The following SMPD3 variants were observed in gnomAD, a reference collection of about 807,000 sequenced individuals.
SMPD3 encodes nSMase-2.
A neutral mutation model predicts 55.7 loss-of-function variants in SMPD3; 21 were observed. That is an observed-to-expected ratio of 0.38 (90% CI 0.27 to 0.54). The LOEUF (loss-of-function observed/expected upper bound fraction) is 0.54. SMPD3 is among the 20% of genes least tolerant of loss of function. The pLI is 0.80. For missense variants in SMPD3, 842 were observed against 899.6 expected (o/e 0.94, Z 0.82); for synonymous variants, 457 against 404.3 (o/e 1.13, Z -1.56).
At chr16:68,365,210 T>A in intron 3 of SMPD3, 118 bp from the exon 4 acceptor site, 1 of 1,030,636 alleles carries the variant, frequency 9.7e-7, no homozygotes, top group Admixed American at 2.0e-5. Flanking sequence ...GGCTCCTGGC[T>A]GGATTCTGGG....
At chr16:68,390,522 G>A (rs930502690) in intron 1 of SMPD3, among the ~76,000 whole-genome samples, 3 of 152,180 alleles carry the variant, frequency 2.0e-5, no homozygotes, top group African/African-American at 7.2e-5. Context: ...CTAGCTGAGT[G>A]TGGTGGTGCA....
At chr16:68,412,033 A>G (rs910457178) in intron 1 of SMPD3, among the ~76,000 whole-genome samples, 3 of 152,100 alleles carry the variant, frequency 2.0e-5, no homozygotes, top group Non-Finnish European at 2.9e-5. Flanking sequence ...GGGAAGGAAG[A>G]AGGAGGCAGG....
At position 68,371,503 on chromosome 16, in the gene SMPD3, C is replaced by A. The variant is rs371929315; in HGVS notation, c.679G>T (p.Gly227Cys). Residue 227 changes from glycine to cysteine, a missense_variant, in exon 3 of 9, where the codon GGC becomes TGC. Transcript: ENST00000219334. ...TCGACAGGGTCCCCAGAGGCTGGGC[C>A]GTTGGCAGCCTCGTCACCGGGGTGC... ...GRHPGDEAAN[G>C]PASGDPVDSS... is the part of the protein sequence containing the mutation. 10 of 1,599,062 alleles carry A rather than the reference C, an allele frequency of 6.3e-6. No homozygotes were observed. In the African/African-American group the frequency reaches 1.1e-4, roughly 17 times the overall value.
intron 1 of SMPD3, among the ~76,000 whole-genome samples, chr16:68,438,599 A>G (rs1470956651): frequency 2.0e-5 from 3 of 152,060 alleles, no homozygotes; most frequent in Admixed American, 6.5e-5. Context: ...CCAAACATCT[A>G]TTTCATATGG....
At chr16:68,372,466 C>G in intron 2 of SMPD3, 79 bp from the exon 3 acceptor site, 1 of 493,568 alleles carries the variant, frequency 2.0e-6, no homozygotes, top group Admixed American at 3.4e-5. Context: ...TGCCCCAGCT[C>G]ATCCCACTCC....
intron 1 of SMPD3, among the ~76,000 whole-genome samples, chr16:68,442,516 C>T (rs1744745789): frequency 6.6e-6 from 1 of 152,214 alleles, no homozygotes; most frequent in Admixed American, 6.5e-5. Context: ...GAATGGAAAT[C>T]CAGTCCTCCT....
At chr16:68,418,917 T>C (rs924094258) in intron 1 of SMPD3, among the ~76,000 whole-genome samples, 1 of 152,082 alleles carries the variant, frequency 6.6e-6, no homozygotes, top group Non-Finnish European at 1.5e-5. Context: ...CTAGAATGGG[T>C]CTGCTAGATG....
intron 1 of SMPD3, among the ~76,000 whole-genome samples, chr16:68,387,345 C>G (rs569901554): frequency 1.8e-4 from 28 of 152,238 alleles, no homozygotes; most frequent in African/African-American, 6.5e-4. Flanking sequence ...TCATGTGAAC[C>G]TAGGCCTTTG....
In SMPD3 at chr16:68,359,384, G is replaced by A. The variant is rs907951419; in HGVS notation, c.*1822C>T. The A allele has an allele frequency of 6.6e-6, 1 of 152,620 alleles. No individual in the cohort carries two copies. Among genetic ancestry groups the A allele is most frequent in the African/African-American group, 2.4e-5 (1 of 41,478 alleles). 9.5% of individuals were successfully genotyped at this position (152,620 alleles called of 1,614,324 possible). The stretch of plus-strand genomic sequence containing the variant: ...CCTCAGCAGCCCCTTCCTGGCTCTG[G>A]ACTCTGGAGGGGCAGGGCTTGGGCC... On this transcript the variant is annotated 3_prime_UTR_variant, in exon 9 of 9. Coordinates refer to ENST00000219334, the MANE Select transcript of SMPD3 (RefSeq NM_018667.4).
chr16:68,370,813 A>G (rs754563971), intron 3 of SMPD3, 46 bp downstream of exon 3: 2 of 1,604,638 alleles, frequency 1.2e-6, no homozygotes, highest in Non-Finnish European at 1.7e-6. Context: ...ACATGGCTCT[A>G]GGACCAGCTG....
chr16:68,390,022 G>A (rs373245899), intron 1 of SMPD3, among the ~76,000 whole-genome samples: 2 of 152,182 alleles, frequency 1.3e-5, no homozygotes, highest in South Asian at 2.1e-4. Flanking sequence ...TTTCTTGATC[G>A]TGTGCTAAAC....
At chr16:68,363,350 C>T in intron 7 of SMPD3, 146 bp downstream of exon 7, 1 of 899,564 alleles carries the variant, frequency 1.1e-6, no homozygotes, top group South Asian at 1.4e-5. Context: ...CTCAAAAGCT[C>T]TCAAAGGTGA....
At chr16:68,368,286 G>A (rs1302389271) in intron 3 of SMPD3, 3 of 149,286 alleles carry the variant, frequency 2.0e-5, no homozygotes, top group African/African-American at 7.3e-5. Context: ...AGGGGTACAG[G>A]AGCCCCTCAT....
chr16:68,434,328 C>T (rs986755328), intron 1 of SMPD3, among the ~76,000 whole-genome samples: 1 of 152,148 alleles, frequency 6.6e-6, no homozygotes, highest in Non-Finnish European at 1.5e-5. Flanking sequence ...TCATGTATTT[C>T]GATGCTAAAG....
In SMPD3 at chr16:68,372,358, G is replaced by C; in HGVS notation, c.-177C>G. 1.2e-6 allele frequency: 1 copy of C among 808,634 alleles called. No homozygotes were observed. The highest frequency in any genetic ancestry group is 2.7e-5 in the East Asian group (1 of 37,590). The allele number at this position is 808,634 out of a possible 1,614,324, so 50.1% of individuals were successfully genotyped here. On this transcript the variant is annotated 5_prime_UTR_variant, in exon 3 of 9. Transcript: ENST00000219334. ...TGGCCAGCCGGTCATGGTTCACCTC[G>C]GTGGGCCATGCGGAGGCCTACTGCA...
In SMPD3 at chr16:68,371,603, G is replaced by A. The variant is rs764781731; in HGVS notation, c.579C>T (p.Gly193=). The change falls in exon 3 of 9, where the codon GGC becomes GGT. Residue 193 remains glycine, a synonymous_variant. Transcript: ENST00000219334. The part of the protein sequence containing the change: ...SFSSLVSPQG[G]DGVARAVPGS... ...CGGGGACGGCCCGGGCCACCCCATC[G>A]CCGCCCTGTGGTGACACCAGGCTGC... The A allele has an allele frequency of 2.0e-5, 31 of 1,568,694 alleles. 1 individual carries two copies. The highest frequency in any genetic ancestry group is 1.8e-4 in the East Asian group (8 of 44,460).
At chr16:68,408,253 A>C (rs2090268998) in intron 1 of SMPD3, among the ~76,000 whole-genome samples, 2 of 152,230 alleles carry the variant, frequency 1.3e-5, no homozygotes, top group Non-Finnish European at 2.9e-5. Context: ...CAAAGGGAAA[A>C]TTATTTTCTC....
chr16:68,446,543 C>T (rs1303523665), intron 1 of SMPD3, among the ~76,000 whole-genome samples: 8 of 151,654 alleles, frequency 5.3e-5, no homozygotes, highest in East Asian at 1.9e-4. Context: ...AAGCTCTGGC[C>T]GTGCCACACA....
chr16:68,364,642 C>G (rs1445833179), intron 5 of SMPD3, 109 bp downstream of exon 5: 2 of 1,297,144 alleles, frequency 1.5e-6, no homozygotes, highest in Non-Finnish European at 1.1e-6. Context: ...CCCACATGCT[C>G]TCGAGGAGCA....
Sources: allele counts gnomAD v4.1 joint callset (sites outside exome capture counted in the v4.1 genomes callset), GRCh38; gene constraint gnomAD v4.1.1; transcripts MANE v1.5; gene names NCBI Gene and HGNC (gene_info 2026-07-23, HGNC 2026-07-21).